PREX2: variants seen among roughly 807,000 people sequenced by gnomAD.
The protein encoded by PREX2 is phosphatidylinositol 3,4,5-trisphosphate-dependent Rac exchanger 2 protein.
In PREX2, 107 loss-of-function variants were observed where a neutral mutation model predicts 203.2. The ratio of observed to expected loss-of-function variants is 0.53; its 90% CI spans 0.45 to 0.62. The LOEUF (loss-of-function observed/expected upper bound fraction) is 0.62. Among genes scored for constraint, PREX2 ranks in the 20% least tolerant of loss-of-function variants. PREX2 has a pLI of 0.00. For synonymous variants in PREX2, 672 were observed against 663.6 expected (o/e 1.01, Z -0.19); for missense variants, 1,777 against 1,955.9 (o/e 0.91, Z 1.72).
chr8:68,197,842 G>A (rs1157362222), intron 37 of PREX2, among the ~76,000 whole-genome samples: 1 of 149,728 alleles, frequency 6.7e-6, no homozygotes, highest in African/African-American at 2.4e-5. Flanking sequence ...TGAGCACATA[G>A]ACTTTCTTAT....
rs1222108819 is a variant in PREX2 at position 68,231,594 on chromosome 8, C to A, written c.*216C>A. On this transcript the variant is annotated 3_prime_UTR_variant, in exon 40 of 40. Coordinates refer to ENST00000288368, the MANE Select transcript of PREX2 (RefSeq NM_024870.4). ...GAAGTTCAATCAGACAGTTCAGCTT[C>A]ACGAACTGATGTCTCTCTGTATTGA... 2 of 400,922 alleles carry A rather than the reference C, an allele frequency of 5.0e-6. No homozygotes were observed. Among genetic ancestry groups the A allele is most frequent in the Non-Finnish European group, 8.8e-6 (2 of 228,452 alleles). 24.8% of individuals were successfully genotyped at this position (400,922 alleles called of 1,614,324 possible).
intron 22 of PREX2, among the ~76,000 whole-genome samples, chr8:68,097,954 TAG>T (rs1810134164): frequency 6.6e-6 from 1 of 152,222 alleles, no homozygotes. Context: ...TCGGGAACTG[TAG>T]AGATCAGTTT....
At chr8:68,111,051 A>G in intron 25 of PREX2, 1 of 275,358 alleles carries the variant, frequency 3.6e-6, no homozygotes. Context: ...AGGATATGAT[A>G]TTTTACTTCA....
chr8:68,135,099 T>TGTGTGTGTGTGTGTGTG (rs58263470), intron 32 of PREX2, among the ~76,000 whole-genome samples: 19,074 of 148,494 alleles, frequency 0.13, 1,319 homozygotes, highest in Non-Finnish European at 0.16. Context: ...AAAACAAATT[T>TGTGTGTGTGTGTGTGTG]TGTGTGTGTG....
chr8:68,047,474 TATATATATA>T lies in PREX2; in HGVS notation c.943+2885_943+2893del, dbSNP rs1808389244. On this transcript the variant is annotated intron_variant, in intron 8 of 39. Transcript: ENST00000288368. ...AAATAATAAAATGGATGAATTTATA[TATATATATA>T]TATATATATATATATATATATATAC... is the stretch of plus-strand genomic sequence containing the variant. 1.5e-3 allele frequency among the ~76,000 whole-genome samples: 6 copies of T among 4,096 alleles called. No homozygotes were observed. In the South Asian group the frequency reaches 0.06, roughly 41 times the overall value. The allele number at this position is 4,096 out of a possible 152,430, so 2.7% of individuals were successfully genotyped here.
chr8:68,083,207 A>G, intron 17 of PREX2, 33 bp from the exon 18 acceptor site: 1 of 1,511,108 alleles, frequency 6.6e-7, no homozygotes, highest in Non-Finnish European at 9.0e-7. Context: ...ATTAAAATAT[A>G]CTTTGACTTA....
intron 23 of PREX2, chr8:68,100,321 G>T: frequency 2.5e-6 from 1 of 397,416 alleles, no homozygotes. Context: ...TACTGTTCTA[G>T]GTTCCAGGAA....
At chr8:68,042,412 G>A (rs541612516) in intron 7 of PREX2, among the ~76,000 whole-genome samples, 5 of 151,934 alleles carry the variant, frequency 3.3e-5, no homozygotes, top group South Asian at 2.1e-4. Context: ...GTATCATAGC[G>A]TTTTTAGTTT....
At position 68,226,971 on chromosome 8, in the gene PREX2, T is replaced by A. The variant is rs75632812; in HGVS notation, c.4775+2345T>A. Among the ~76,000 whole-genome samples, 698 of 152,168 alleles carry A rather than the reference T, an allele frequency of 4.6e-3. 8 individuals carry two copies. The highest frequency in any genetic ancestry group is 0.031 in the East Asian group (161 of 5,174). ...TTTGAGAACTATGCCTAGACCTCAATGACTGGTGGTTGAATGTGATTCAAG... is the reference window on the plus strand; with the variant it reads ...TTTGAGAACTATGCCTAGACCTCAAAGACTGGTGGTTGAATGTGATTCAAG... On this transcript the variant is annotated intron_variant, in intron 39 of 39. Transcript: ENST00000288368.
chr8:68,180,876 T>A (rs910171035), intron 35 of PREX2, among the ~76,000 whole-genome samples: 2 of 151,928 alleles, frequency 1.3e-5, no homozygotes, highest in African/African-American at 4.8e-5. Context: ...CAGGAGAAAT[T>A]TGAATGGAAA....
chr8:68,040,945 A>C (rs540048510), intron 7 of PREX2, among the ~76,000 whole-genome samples: 5 of 152,310 alleles, frequency 3.3e-5, no homozygotes, highest in Admixed American at 3.3e-4. Context: ...TTAAAGCATG[A>C]ATATACTTTT....
chr8:68,185,042 C>T (rs910426656), intron 35 of PREX2, among the ~76,000 whole-genome samples: 6 of 152,172 alleles, frequency 3.9e-5, no homozygotes, highest in African/African-American at 1.4e-4. Flanking sequence ...TTTACTCTGT[C>T]TCACGGCAAA....
intron 10 of PREX2, 118 bp downstream of exon 10, chr8:68,056,092 T>G (rs776921861): frequency 3.0e-6 from 3 of 984,834 alleles, no homozygotes; most frequent in Non-Finnish European, 4.5e-6. Flanking sequence ...TGAAAACTTC[T>G]TTACAGTTGC....
At chr8:68,048,564 C>G (rs1808433220) in intron 8 of PREX2, among the ~76,000 whole-genome samples, 1 of 151,808 alleles carries the variant, frequency 6.6e-6, no homozygotes, top group Non-Finnish European at 1.5e-5. Flanking sequence ...TGAAACTATT[C>G]TAATATGTTG....
intron 11 of PREX2, among the ~76,000 whole-genome samples, chr8:68,066,192 A>C (rs1257513417): frequency 6.6e-6 from 1 of 152,178 alleles, no homozygotes; most frequent in African/African-American, 2.4e-5. Context: ...ATGGGGGTAC[A>C]GATATCTCTT....
chr8:68,222,305 G>C (rs1024890501), intron 38 of PREX2, among the ~76,000 whole-genome samples: 3 of 151,848 alleles, frequency 2.0e-5, no homozygotes, highest in Non-Finnish European at 2.9e-5. Flanking sequence ...ACGAGAAAAG[G>C]AAGACAAGTC....
intron 35 of PREX2, among the ~76,000 whole-genome samples, chr8:68,164,177 C>T (rs940641848): frequency 6.6e-6 from 1 of 151,646 alleles, no homozygotes; most frequent in Non-Finnish European, 1.5e-5. Context: ...CCTAAGATGG[C>T]AAAGAGGAAA....
chr8:68,121,431 G>A (rs144236683), intron 30 of PREX2, among the ~76,000 whole-genome samples: 78 of 152,204 alleles, frequency 5.1e-4, no homozygotes, highest in African/African-American at 1.7e-3. Context: ...GAAGCTGTAT[G>A]AGAATCAAAA....
intron 35 of PREX2, among the ~76,000 whole-genome samples, chr8:68,185,230 T>C (rs1180982951): frequency 6.6e-6 from 1 of 152,188 alleles, no homozygotes; most frequent in Non-Finnish European, 1.5e-5. Context: ...GTTAATTTTG[T>C]AGTGCTTCTT....
Sources: gnomAD v4.1 joint callset for allele counts (sites outside exome capture counted in the v4.1 genomes callset) on GRCh38, gnomAD v4.1.1 for gene constraint, MANE v1.5 for transcripts, NCBI Gene and HGNC (gene_info 2026-07-23, HGNC 2026-07-21) for gene names.